The following CRY1 variants were observed in gnomAD, a reference collection of about 807,000 sequenced individuals.
The protein encoded by CRY1 is cryptochrome-1.
A neutral mutation model predicts 76.0 loss-of-function variants in CRY1; 45 were observed. The observed-to-expected ratio is 0.59, with a 90% confidence interval of 0.47 to 0.76. The LOEUF is 0.76. CRY1 is among the 30% of genes least tolerant of loss of function. CRY1 has a pLI of 0.00. For synonymous variants in CRY1, 248 were observed against 244.0 expected, an observed-to-expected ratio of 1.02 and a Z score of -0.15; for missense variants, 587 against 716.4, an observed-to-expected ratio of 0.82 and a Z score of 2.06.
intron 10 of CRY1, among the ~76,000 whole-genome samples, chr12:106,995,718 A>C (rs1357837107): frequency 6.6e-6 from 1 of 152,124 alleles, no homozygotes; most frequent in African/African-American, 2.4e-5. Context: ...ATAGGCAAAC[A>C]TGTGCCATGG....
intron 5 of CRY1, among the ~76,000 whole-genome samples, chr12:107,000,387 T>C (rs1366984365): frequency 3.3e-5 from 5 of 152,036 alleles, no homozygotes; most frequent in African/African-American, 7.2e-5. Flanking sequence ...GGTCTCGCTC[T>C]GTCACCCAGG....
At chr12:107,051,050 G>C (rs1366586643) in intron 1 of CRY1, among the ~76,000 whole-genome samples, 1 of 152,122 alleles carries the variant, frequency 6.6e-6, no homozygotes, top group East Asian at 1.9e-4. Context: ...GTTTTCAAAA[G>C]AAAGGTGGAG....
intron 3 of CRY1, among the ~76,000 whole-genome samples, chr12:107,002,995 CTCG>C (rs1952329315): frequency 6.6e-6 from 1 of 152,170 alleles, no homozygotes; most frequent in South Asian, 2.1e-4. Context: ...ATTGCCCAGT[CTCG>C]GGTATGTCTT....
At chr12:107,018,064 G>C (rs903709995) in intron 2 of CRY1, among the ~76,000 whole-genome samples, 5 of 152,082 alleles carry the variant, frequency 3.3e-5, no homozygotes, top group Admixed American at 6.5e-5. Flanking sequence ...ACACAGCCTT[G>C]TATATAGCAG....
At chr12:107,064,244 A>C (rs1953084463) in intron 1 of CRY1, among the ~76,000 whole-genome samples, 1 of 152,210 alleles carries the variant, frequency 6.6e-6, no homozygotes, top group African/African-American at 2.4e-5. Context: ...AGAATACATA[A>C]AGAACTCTCA....
intron 1 of CRY1, among the ~76,000 whole-genome samples, chr12:107,067,216 A>G (rs1953123643): frequency 6.6e-6 from 1 of 152,218 alleles, no homozygotes; most frequent in African/African-American, 2.4e-5. Flanking sequence ...CATAAAAAAA[A>G]GAAGAATATG....
rs1216525015 is a variant in CRY1 at position 106,991,430 on chromosome 12, A to T, written c.*572T>A. The T allele has an allele frequency of 2.6e-5, 4 of 152,670 alleles. No homozygotes were observed. Among genetic ancestry groups the T allele is most frequent in the Non-Finnish European group, 5.9e-5 (4 of 68,038 alleles). The allele number at this position is 152,670 out of a possible 1,614,324, so 9.5% of individuals were successfully genotyped here. On this transcript the variant is annotated 3_prime_UTR_variant, in exon 13 of 13. Transcript: ENST00000008527. Reference sequence around the variant, plus strand: ...AATAAATGAACAAAGAAACAGAGACAGAGAACTTAACACATGATACTTCCA... The same window carrying T: ...AATAAATGAACAAAGAAACAGAGACTGAGAACTTAACACATGATACTTCCA...
At chr12:107,014,327 T>C (rs947802508) in intron 2 of CRY1, among the ~76,000 whole-genome samples, 24 of 152,160 alleles carry the variant, frequency 1.6e-4, no homozygotes, top group Admixed American at 6.6e-4. Flanking sequence ...AGGGTGTATG[T>C]AGGCTGTGGC....
At chr12:107,070,258 G>A (rs1226763460) in intron 1 of CRY1, among the ~76,000 whole-genome samples, 1 of 152,128 alleles carries the variant, frequency 6.6e-6, no homozygotes, top group East Asian at 1.9e-4. Flanking sequence ...ATATAATATG[G>A]TAAAGGTCTC....
At chr12:107,052,089 G>A (rs983505694) in intron 1 of CRY1, among the ~76,000 whole-genome samples, 3 of 152,038 alleles carry the variant, frequency 2.0e-5, no homozygotes, top group African/African-American at 7.2e-5. Context: ...AAGTTTGCAC[G>A]AGGTTTTTCT....
chr12:107,040,873 G>A (rs189697977), intron 1 of CRY1, among the ~76,000 whole-genome samples: 1 of 151,114 alleles, frequency 6.6e-6, no homozygotes, highest in East Asian at 1.9e-4. Context: ...TTTCATCTTT[G>A]TAAGTGAGAC....
intron 1 of CRY1, among the ~76,000 whole-genome samples, chr12:107,072,335 G>A (rs960917200): frequency 1.3e-5 from 2 of 152,206 alleles, no homozygotes; most frequent in Non-Finnish European, 2.9e-5. Flanking sequence ...GAGAAAGAAT[G>A]AAAGTAGATT....
At position 106,998,939 on chromosome 12, in the gene CRY1, G is replaced by A. The variant is rs533963314; in HGVS notation, c.1137+612C>T. On this transcript the variant is annotated intron_variant, in intron 7 of 12. Transcript: ENST00000008527. ...CACCTGTAATCCCAGCTACTCGGGA[G>A]GTTGAGGCAGGAGAATCACTTGAAC... Among the ~76,000 whole-genome samples the A allele has an allele frequency of 3.6e-4, 55 of 151,796 alleles. No individual in the cohort carries two copies. In the East Asian group the frequency reaches 7.4e-3, roughly 20 times the overall value.
chr12:107,090,114 G>C (rs1004023302), intron 1 of CRY1, among the ~76,000 whole-genome samples: 1 of 148,250 alleles, frequency 6.7e-6, no homozygotes, highest in African/African-American at 2.5e-5. Context: ...TTTTGAGACA[G>C]AGTCTGGCTC....
At chr12:107,008,951 CTG>C (rs1214871060) in intron 2 of CRY1, among the ~76,000 whole-genome samples, 1 of 152,186 alleles carries the variant, frequency 6.6e-6, no homozygotes, top group Non-Finnish European at 1.5e-5. Context: ...TCACGTGAAA[CTG>C]TGAGTCAATT....
chr12:107,039,804 C>T (rs1276802808), intron 1 of CRY1, among the ~76,000 whole-genome samples: 1 of 152,116 alleles, frequency 6.6e-6, no homozygotes, highest in Admixed American at 6.5e-5. Context: ...GGCCACTCAA[C>T]TCAAGGTTTT....
chr12:106,999,527 T>A (rs781714704), intron 7 of CRY1, 24 bp downstream of exon 7: 120 of 1,568,342 alleles, frequency 7.7e-5, no homozygotes, highest in Non-Finnish European at 1.0e-4. Flanking sequence ...AAATAAGGCA[T>A]GCTATATCAG....
intron 1 of CRY1, among the ~76,000 whole-genome samples, chr12:107,052,601 T>C (rs1374284261): frequency 6.6e-6 from 1 of 152,216 alleles, no homozygotes; most frequent in African/African-American, 2.4e-5. Flanking sequence ...TGGAGACTGG[T>C]ATTTTATATG....
chr12:107,020,482 T>C (rs988605794), intron 2 of CRY1, among the ~76,000 whole-genome samples: 3 of 152,096 alleles, frequency 2.0e-5, no homozygotes, highest in African/African-American at 7.2e-5. Context: ...GGTGGCAGAT[T>C]TCCCCTTGGT....
Sources: gnomAD v4.1 joint callset for allele counts (sites outside exome capture counted in the v4.1 genomes callset) on GRCh38, gnomAD v4.1.1 for gene constraint, MANE v1.5 for transcripts, NCBI Gene and HGNC (gene_info 2026-07-23, HGNC 2026-07-21) for gene names.